The following MAGEB1 variants were observed in gnomAD, a reference collection of about 807,000 sequenced individuals.
The protein encoded by MAGEB1 is melanoma-associated antigen B1.
For synonymous variants in MAGEB1, 99 were observed against 105.7 expected (o/e 0.94, Z 0.39); for missense variants, 290 against 286.7 (o/e 1.01, Z -0.08).
At position 30,251,828 on chromosome X, in the gene MAGEB1, G is replaced by A. The variant is rs1026036861; in HGVS notation, c.*291G>A. 12 of 260,112 alleles carry A rather than the reference G, an allele frequency of 4.6e-5. No individual in the cohort carries two copies. Among genetic ancestry groups the A allele is most frequent in the Non-Finnish European group, 8.5e-5 (12 of 141,007 alleles). The allele number at this position is 260,112 out of a possible 1,213,427, so 21.4% of individuals were successfully genotyped here. A position where few individuals can be genotyped will look rare whatever the true frequency, so the allele number is the denominator to read the frequency against. ...GAATCTTTTTTGGGTTGAAGAAGAAGAAAGCATAGCTTTAGAATAGAGATT... is the reference window on the plus strand; with the variant it reads ...GAATCTTTTTTGGGTTGAAGAAGAAAAAAGCATAGCTTTAGAATAGAGATT... On this transcript the variant is annotated 3_prime_UTR_variant, in exon 2 of 2. Transcript: ENST00000397548.
In MAGEB1 at chrX:30,251,466, C is replaced by T. The variant is rs747784071; in HGVS notation, c.973C>T (p.Arg325Cys). The T allele has an allele frequency of 1.6e-5, 19 of 1,209,975 alleles. No homozygotes were observed. Among genetic ancestry groups the T allele is most frequent in the African/African-American group, 8.7e-5 (5 of 57,144 alleles). ...AQVRSSVRAR[R>C]RTTATTFRAR... ...AGTCCGATCCAGTGTTAGAGCCAGG[C>T]GTCGCACTACTGCCACGACTTTTAG... The change falls in exon 2 of 2, where the codon CGT becomes TGT. Residue 325 changes from arginine (R) to cysteine (C), a missense_variant. Physicochemically the swap from Arg to Cys is radical, Grantham distance 180. Coordinates refer to ENST00000397548, the MANE Select transcript of MAGEB1 (RefSeq NM_177404.3).
At chrX:30,245,890 G>GT (rs998676008), upstream of MAGEB1, among the ~76,000 whole-genome samples, 8 of 112,064 alleles carry the variant, frequency 7.1e-5, no homozygotes, top group African/African-American at 2.3e-4. Flanking sequence ...AGATCAGCAT[G>GT]TTTTTTTCCC....
chrX:30,250,720 G>T lies in MAGEB1; in HGVS notation c.227G>T (p.Cys76Phe), dbSNP rs186871647. 8.3e-7 allele frequency: 1 copy of T among 1,209,991 alleles called. No individual in the cohort carries two copies. Among genetic ancestry groups the T allele is most frequent in the Non-Finnish European group, 1.1e-6 (1 of 894,990 alleles). The part of the protein sequence containing the change: ...PTTTAAAAVS[C>F]TESDEGAKCQ... Reference sequence around the variant, plus strand: ...ACCACTGCTGCTGCAGCTGTGTCATGTACCGAATCTGACGAAGGTGCCAAA... The same window carrying T: ...ACCACTGCTGCTGCAGCTGTGTCATTTACCGAATCTGACGAAGGTGCCAAA... The change falls in exon 2 of 2, where the codon TGT becomes TTT. Residue 76 changes from cysteine to phenylalanine, a missense_variant. Physicochemically the swap from Cys to Phe is radical, Grantham distance 205 (BLOSUM62 -2). Transcript: ENST00000397548.
chrX:30,250,517 G>A lies in MAGEB1; in HGVS notation c.24G>A (p.Lys8=), dbSNP rs1925474995. The A allele has an allele frequency of 1.0e-5, 12 of 1,198,376 alleles. No homozygotes were observed. The highest frequency in any genetic ancestry group is 1.7e-5 in the African/African-American group (1 of 57,561). MPRGQKS[K]LRAREKRRKA... ...TCATGCCTCGGGGTCAGAAGAGTAAGCTCCGTGCTCGTGAGAAACGCCGCA... is the reference window on the plus strand; with the variant it reads ...TCATGCCTCGGGGTCAGAAGAGTAAACTCCGTGCTCGTGAGAAACGCCGCA... Residue 8 remains lysine (K), a synonymous_variant, in exon 2 of 2, where the codon AAG becomes AAA. Transcript: ENST00000397548.
intron 1 of MAGEB1, among the ~76,000 whole-genome samples, chrX:30,249,828 A>G (rs778273824): frequency 1.5e-3 from 166 of 107,774 alleles, no homozygotes; most frequent in Non-Finnish European, 2.5e-3. Flanking sequence ...CAAATAGAGG[A>G]AAAACAACGA....
At chrX:30,248,955 A>G (rs780152128) in intron 1 of MAGEB1, among the ~76,000 whole-genome samples, 1 of 111,199 alleles carries the variant, frequency 9.0e-6, no homozygotes, top group Non-Finnish European at 1.9e-5. Flanking sequence ...TAGGCGTTAG[A>G]TCAAGACAGA....
chrX:30,247,687 G>A lies in MAGEB1; in HGVS notation c.-61+431G>A, dbSNP rs773712611. ...GGAGGAGTCCTAAACCCTACTACCC[G>A]TAATCCCAGAACTCTGGGAGGCCGA... On this transcript the variant is annotated intron_variant, in intron 1 of 1. Coordinates refer to ENST00000397548, the MANE Select transcript of MAGEB1 (RefSeq NM_177404.3). Among the ~76,000 whole-genome samples the A allele has an allele frequency of 7.2e-5, 8 of 111,766 alleles. No individual in the cohort carries two copies. In the East Asian group the frequency reaches 1.7e-3, roughly 24 times the overall value.
chrX:30,249,594 C>T (rs12015030), intron 1 of MAGEB1, among the ~76,000 whole-genome samples: 133 of 111,887 alleles, frequency 1.2e-3, no homozygotes, highest in African/African-American at 4.2e-3. Flanking sequence ...CTACACATCA[C>T]AGGGCTTCAA....
upstream of MAGEB1, among the ~76,000 whole-genome samples, chrX:30,245,870 G>A (rs1474524197): frequency 1.8e-5 from 2 of 112,344 alleles, no homozygotes; most frequent in African/African-American, 6.5e-5. Context: ...GGTTGGTGAA[G>A]TGAAGGAATA....
chrX:30,244,997 A>T (rs1002735153), upstream of MAGEB1, among the ~76,000 whole-genome samples: 6 of 111,662 alleles, frequency 5.4e-5, no homozygotes, highest in South Asian at 3.8e-4. Flanking sequence ...ATTAAAAGGA[A>T]TTTTTTTTCC....
Position 30,251,323 on chromosome X carries a change from A to G in MAGEB1, c.830A>G (p.Tyr277Cys), listed in dbSNP as rs1925515790. Residue 277 changes from tyrosine (Y) to cysteine (C), a missense_variant, in exon 2 of 2, where the codon TAT becomes TGT. Physicochemically the swap from Tyr to Cys is radical, Grantham distance 194 (BLOSUM62 -2). Transcript: ENST00000397548. ...CAATTCCTATGGGGTCCGAGAGCCT[A>G]TGCTGAAACCACCAAGATGAAAGTC... ...RYQFLWGPRA[Y>C]AETTKMKVLE... 8.3e-7 allele frequency: 1 copy of G among 1,212,088 alleles called. No homozygotes were observed.
chrX:30,248,807 C>G (rs1925411322), intron 1 of MAGEB1, among the ~76,000 whole-genome samples: 1 of 112,068 alleles, frequency 8.9e-6, no homozygotes, highest in African/African-American at 3.2e-5. Flanking sequence ...GGGGGAACCA[C>G]TCATCCCATA....
intron 1 of MAGEB1, among the ~76,000 whole-genome samples, chrX:30,248,856 C>T (rs759101133): frequency 1.9e-3 from 212 of 111,927 alleles, no homozygotes; most frequent in Non-Finnish European, 2.3e-3. Flanking sequence ...TGATTTTCAT[C>T]CTTGGGAGAT....
chrX:30,250,613 C>T lies in MAGEB1; in HGVS notation c.120C>T (p.Ser40=). ...ATAAEKEECP[S]SSPVLGDTPT... ...CAGCAGAGAAAGAGGAGTGCCCCTC[C>T]TCCTCTCCTGTTTTAGGGGATACTC... Residue 40 remains serine (S), a synonymous_variant, in exon 2 of 2, where the codon TCC becomes TCT. Coordinates refer to ENST00000397548, the MANE Select transcript of MAGEB1 (RefSeq NM_177404.3). 1.7e-6 allele frequency: 2 copies of T among 1,209,105 alleles called. No individual in the cohort carries two copies. The highest frequency in any genetic ancestry group is 2.2e-6 in the Non-Finnish European group (2 of 893,937).
chrX:30,251,084 G>A lies in MAGEB1; in HGVS notation c.591G>A (p.Arg197=), dbSNP rs1334505269. 8.3e-7 allele frequency: 1 copy of A among 1,210,688 alleles called. No homozygotes were observed. ...GNLSNDWDFP[R]NGLLMPLLGV... ...TGAGCAATGATTGGGACTTTCCCAGGAATGGGCTTCTGATGCCTCTCCTGG... is the reference window on the plus strand; with the variant it reads ...TGAGCAATGATTGGGACTTTCCCAGAAATGGGCTTCTGATGCCTCTCCTGG... Residue 197 remains arginine (R), a synonymous_variant, in exon 2 of 2, where the codon AGG becomes AGA. Coordinates refer to ENST00000397548, the MANE Select transcript of MAGEB1 (RefSeq NM_177404.3).
chrX:30,249,304 G>C (rs993048601), intron 1 of MAGEB1, among the ~76,000 whole-genome samples: 1 of 111,378 alleles, frequency 9.0e-6, no homozygotes, highest in Non-Finnish European at 1.9e-5. Context: ...CTGATGTAAG[G>C]GGCCTCAGGT....
chrX:30,250,702 C>T lies in MAGEB1; in HGVS notation c.209C>T (p.Ala70Val). The T allele has an allele frequency of 8.3e-7, 1 of 1,211,238 alleles. No homozygotes were observed. Among genetic ancestry groups the T allele is most frequent in the Admixed American group, 2.2e-5 (1 of 46,068 alleles). ...KPQGAPPTTT[A>V]AAAVSCTESD... The stretch of plus-strand genomic sequence containing the variant: ...CAGGGAGCTCCACCCACCACCACTG[C>T]TGCTGCAGCTGTGTCATGTACCGAA... Residue 70 changes from alanine (A) to valine (V), a missense_variant, in exon 2 of 2, where the codon GCT (alanine) becomes GTT (valine). By Grantham distance (64) the Ala-to-Val change is moderately conservative (BLOSUM62 0). Transcript: ENST00000397548.
chrX:30,248,611 A>G (rs1290015713), intron 1 of MAGEB1, among the ~76,000 whole-genome samples: 1 of 111,621 alleles, frequency 9.0e-6, no homozygotes, highest in African/African-American at 3.3e-5. Flanking sequence ...GAAAGAGGTA[A>G]CACAGATAGA....
intron 1 of MAGEB1, among the ~76,000 whole-genome samples, chrX:30,247,777 T>C (rs1343554498): frequency 1.8e-5 from 2 of 109,144 alleles, no homozygotes; most frequent in East Asian, 5.8e-4. Context: ...ACCCCGTCTC[T>C]ACTAAAAATA....
Sources: allele counts gnomAD v4.1 joint callset (sites outside exome capture counted in the v4.1 genomes callset), GRCh38; gene constraint gnomAD v4.1.1; transcripts MANE v1.5; gene names NCBI Gene and HGNC (gene_info 2026-07-23, HGNC 2026-07-21).